FIRRM: variants seen among roughly 807,000 people sequenced by gnomAD.
The protein encoded by FIRRM is FIGNL1 interacting regulator of recombination and mitosis.
the FIRRM span, among the ~76,000 whole-genome samples, chr1:169,838,173 A>G: frequency 2.0e-5 from 3 of 152,160 alleles, no homozygotes. Context: ...TCCTGATGTC[A>G]GGTAATCTAC....
At chr1:169,847,978 TTTAAG>T in the FIRRM span, among the ~76,000 whole-genome samples, 2 of 152,130 alleles carry the variant, frequency 1.3e-5, no homozygotes, top group Non-Finnish European at 2.9e-5. Flanking sequence ...TACAACTCAT[TTTAAG>T]TTCTTTTCTT....
At chr1:169,792,084 GAATT>G in the FIRRM span, among the ~76,000 whole-genome samples, 1 of 152,108 alleles carries the variant, frequency 6.6e-6, no homozygotes, top group Non-Finnish European at 1.5e-5. Flanking sequence ...ATCTCCATGT[GAATT>G]TAGTTAAATT....
chr1:169,829,464 T>TA, the FIRRM span: 2 of 1,597,074 alleles, frequency 1.3e-6, no homozygotes, highest in South Asian at 2.3e-5. Flanking sequence ...GCATATTACT[T>TA]ACTGTGCTAA....
chr1:169,832,935 G>A, the FIRRM span, among the ~76,000 whole-genome samples: 2 of 152,190 alleles, frequency 1.3e-5, no homozygotes, highest in Non-Finnish European at 2.9e-5. Flanking sequence ...TTAAATACTG[G>A]TGTGATCTAA....
chr1:169,785,656 G>A, the FIRRM span, among the ~76,000 whole-genome samples: 1 of 152,062 alleles, frequency 6.6e-6, no homozygotes, highest in Non-Finnish European at 1.5e-5. Flanking sequence ...GTCTCTCTCT[G>A]GAGCCTGGAA....
the FIRRM span, chr1:169,792,758 AAC>A: frequency 6.2e-7 from 1 of 1,613,762 alleles, no homozygotes; most frequent in Non-Finnish European, 8.5e-7. Context: ...ATTTTTACTT[AAC>A]AGTCTAAGGA....
chr1:169,808,717 G>A, the FIRRM span, among the ~76,000 whole-genome samples: 1 of 150,916 alleles, frequency 6.6e-6, no homozygotes, highest in African/African-American at 2.4e-5. Flanking sequence ...GGATCGTTCT[G>A]CCTTAGCCTC....
the FIRRM span, chr1:169,798,844 A>AT: frequency 8.4e-3 from 6,712 of 803,362 alleles, no homozygotes; most frequent in South Asian, 0.012. Context: ...AAAGGGTTTT[A>AT]TTTTTTTTTT....
chr1:169,827,444 C>G, the FIRRM span, among the ~76,000 whole-genome samples: 1 of 152,150 alleles, frequency 6.6e-6, no homozygotes, highest in Admixed American at 6.5e-5. Flanking sequence ...TCAAGACCAG[C>G]CTGACCAATA....
At chr1:169,797,961 C>T in the FIRRM span, among the ~76,000 whole-genome samples, 7 of 152,118 alleles carry the variant, frequency 4.6e-5, no homozygotes, top group Admixed American at 6.5e-5. Context: ...AATTTATTGT[C>T]GTGTATTTGT....
At chr1:169,832,026 TGGGATTACAGTTGTGAACCACCACA>T in the FIRRM span, among the ~76,000 whole-genome samples, 1 of 152,216 alleles carries the variant, frequency 6.6e-6, no homozygotes, top group African/African-American at 2.4e-5. Flanking sequence ...CCCAAAGTGC[TGGGATTACAGTTGTGAACCACCACA>T]CTCAGCCCCT....
chr1:169,795,150 A>C, the FIRRM span: 1 of 1,536,072 alleles, frequency 6.5e-7, no homozygotes. Flanking sequence ...CCCTGGAAGA[A>C]TTAAGTAGCT....
the FIRRM span, chr1:169,829,217 G>T: frequency 1.4e-6 from 2 of 1,423,432 alleles, no homozygotes; most frequent in Non-Finnish European, 1.9e-6. Flanking sequence ...TTGCTAATTA[G>T]TAAATGTTAT....
At chr1:169,806,211 T>G in the FIRRM span, 1 of 617,866 alleles carries the variant, frequency 1.6e-6, no homozygotes, top group Non-Finnish European at 2.8e-6. Context: ...TCACTGACAC[T>G]GCTGTCTGAT....
chr1:169,795,293 C>T, the FIRRM span: 39 of 1,462,126 alleles, frequency 2.7e-5, no homozygotes, highest in African/African-American at 5.6e-5. Context: ...CCCTTCAGAC[C>T]CACCGCCAGG....
the FIRRM span, among the ~76,000 whole-genome samples, chr1:169,812,808 G>A: frequency 1.3e-5 from 2 of 151,544 alleles, no homozygotes; most frequent in African/African-American, 4.9e-5. Flanking sequence ...AGTAAGCCGA[G>A]GTCATGCCAC....
chr1:169,786,852 A>G, the FIRRM span, among the ~76,000 whole-genome samples: 1 of 152,292 alleles, frequency 6.6e-6, no homozygotes, highest in East Asian at 1.9e-4. Context: ...AAGCACATTG[A>G]TTTCTCCTCT....
the FIRRM span, among the ~76,000 whole-genome samples, chr1:169,824,867 CT>C: frequency 6.6e-6 from 1 of 152,280 alleles, no homozygotes; most frequent in Non-Finnish European, 1.5e-5. Context: ...AGTCTCAAGA[CT>C]TTAAGTTTAT....
the FIRRM span, chr1:169,852,273 CTTA>C: frequency 3.0e-6 from 1 of 330,858 alleles, no homozygotes; most frequent in South Asian, 3.2e-5. Context: ...GATTCCTTGC[CTTA>C]TTAATCAAAT....
Sources: allele counts gnomAD v4.1 joint callset (sites outside exome capture counted in the v4.1 genomes callset), GRCh38; gene constraint gnomAD v4.1.1; transcripts MANE v1.5; gene names NCBI Gene and HGNC (gene_info 2026-07-23, HGNC 2026-07-21).